Variants in PACS1 observed in about 807,000 individuals in gnomAD.
The protein encoded by PACS1 is PACS-1.
A neutral mutation model predicts 115.0 loss-of-function variants in PACS1; 24 were observed. The ratio of observed to expected loss-of-function variants is 0.21; its 90% confidence interval spans 0.15 to 0.29. PACS1 has a LOEUF of 0.29. Among genes scored for constraint, PACS1 ranks in the 10% least tolerant of loss-of-function variants. The pLI is 1.00. For missense variants in PACS1, 838 were observed against 1,251.2 expected, an observed-to-expected ratio of 0.67 and a Z score of 4.98; for synonymous variants, 453 against 504.5, an observed-to-expected ratio of 0.90 and a Z score of 1.37.
chr11:66,114,270 T>C (rs1858255248), intron 1 of PACS1, among the ~76,000 whole-genome samples: 1 of 151,960 alleles, frequency 6.6e-6, no homozygotes, highest in East Asian at 1.9e-4. Context: ...TACAAAAAAT[T>C]AGCCGGGAGT....
rs192219411 is a variant in PACS1, at chr11:66,171,275, C to T, written c.357-22211C>T. The stretch of plus-strand genomic sequence containing the variant: ...TTTTGTCTAATATTATCTATTCCAG[C>T]TTTCTTTTGATTATTATATATCTGG... On this transcript the variant is annotated intron_variant, in intron 1 of 23. Transcript: ENST00000320580. Among the ~76,000 whole-genome samples, 59 of 150,266 alleles carry T rather than the reference C, an allele frequency of 3.9e-4. 8 individuals carry two copies. The highest frequency in any genetic ancestry group is 1.4e-3 in the African/African-American group (56 of 39,800).
Position 66,073,118 on chromosome 11 carries a change from A to C in PACS1, c.356+2276A>C, listed in dbSNP as rs1444647866. Among the ~76,000 whole-genome samples, 3 of 152,184 alleles carry C rather than the reference A, an allele frequency of 2.0e-5. No individual in the cohort carries two copies. The East Asian group carries it at 5.8e-4, about 29-fold the overall frequency. ...AGCTTGTCCACTGTCCTGCTCCGACATTGTTTTTCATCCATCACCCTTGTA... is the reference window on the plus strand; with the variant it reads ...AGCTTGTCCACTGTCCTGCTCCGACCTTGTTTTTCATCCATCACCCTTGTA... On this transcript the variant is annotated intron_variant, in intron 1 of 23. Transcript: ENST00000320580.
At chr11:66,149,678 T>C (rs1859193882) in intron 1 of PACS1, among the ~76,000 whole-genome samples, 2 of 115,588 alleles carry the variant, frequency 1.7e-5, no homozygotes, top group African/African-American at 6.7e-5. Context: ...CATCTTGTGT[T>C]CGTGTGTGTG....
At chr11:66,219,675 T>C in intron 7 of PACS1, 71 bp from the exon 8 acceptor site, 2 of 1,103,424 alleles carry the variant, frequency 1.8e-6, no homozygotes, top group Non-Finnish European at 2.8e-6. Context: ...TGGGCTCTGG[T>C]GGGTGTTTAT....
At chr11:66,145,817 A>G (rs182143150) in intron 1 of PACS1, among the ~76,000 whole-genome samples, 23 of 152,324 alleles carry the variant, frequency 1.5e-4, no homozygotes, top group Non-Finnish European at 2.1e-4. Context: ...CCTGTAACCA[A>G]TCATTGCCTG....
chr11:66,123,004 A>G (rs1858478526), intron 1 of PACS1, among the ~76,000 whole-genome samples: 1 of 152,206 alleles, frequency 6.6e-6, no homozygotes, highest in Non-Finnish European at 1.5e-5. Flanking sequence ...TGCATACTTT[A>G]GAGAAATCTT....
chr11:66,171,598 G>T (rs1487531347), intron 1 of PACS1, among the ~76,000 whole-genome samples: 3 of 148,396 alleles, frequency 2.0e-5, no homozygotes, highest in African/African-American at 2.6e-5. Context: ...TTCTTTTTTT[G>T]AAACGGAGTC....
intron 1 of PACS1, among the ~76,000 whole-genome samples, chr11:66,074,344 G>T (rs1268558733): frequency 6.6e-6 from 1 of 152,080 alleles, no homozygotes; most frequent in South Asian, 2.1e-4. Flanking sequence ...GTCCAGTATG[G>T]CATGGACCGT....
At chr11:66,146,329 A>G (rs1279197307) in intron 1 of PACS1, among the ~76,000 whole-genome samples, 1 of 152,240 alleles carries the variant, frequency 6.6e-6, no homozygotes, top group African/African-American at 2.4e-5. Context: ...ATGTATGATG[A>G]CAGTGACTCA....
chr11:66,103,775 A>G (rs1857973506), intron 1 of PACS1, among the ~76,000 whole-genome samples: 1 of 152,056 alleles, frequency 6.6e-6, no homozygotes, highest in Non-Finnish European at 1.5e-5. Context: ...CAGCCTCCCA[A>G]AGTGCTGGGA....
intron 1 of PACS1, among the ~76,000 whole-genome samples, chr11:66,176,504 C>T (rs915332217): frequency 1.3e-5 from 2 of 150,998 alleles, no homozygotes; most frequent in Non-Finnish European, 2.9e-5. Flanking sequence ...ACGTCTGCCT[C>T]CTGAGTTCAA....
At chr11:66,241,782 G>A in intron 22 of PACS1, 129 bp downstream of exon 22, 1 of 698,644 alleles carries the variant, frequency 1.4e-6, no homozygotes. Flanking sequence ...GGCATGGGGT[G>A]CAGAGGGGGC....
chr11:66,202,726 GAAAAA>G (rs55677222), intron 2 of PACS1, among the ~76,000 whole-genome samples: 4 of 10,960 alleles, frequency 3.6e-4, no homozygotes, highest in Admixed American at 1.9e-3. Context: ...TCATCTCTAG[GAAAAA>G]AAAAAAAAAA....
intron 1 of PACS1, among the ~76,000 whole-genome samples, chr11:66,192,519 G>C (rs1459930749): frequency 1.3e-5 from 2 of 152,254 alleles, no homozygotes. Context: ...GGAGCTGAGG[G>C]AGGGCTGTGG....
chr11:66,239,954 A>T (rs1389944736), intron 21 of PACS1, among the ~76,000 whole-genome samples: 1 of 152,242 alleles, frequency 6.6e-6, no homozygotes, highest in Non-Finnish European at 1.5e-5. Flanking sequence ...CCAGGAGTTC[A>T]AAGCTAGGCC....
At chr11:66,210,505 A>G (rs1013654857) in intron 3 of PACS1, 54 bp downstream of exon 3, 20 of 1,251,946 alleles carry the variant, frequency 1.6e-5, no homozygotes, top group Non-Finnish European at 2.1e-5. Flanking sequence ...GCTAGTCCCC[A>G]GACAGTCCTC....
intron 1 of PACS1, among the ~76,000 whole-genome samples, chr11:66,156,918 GATGATT>G (rs1482806095): frequency 6.6e-6 from 1 of 151,950 alleles, no homozygotes; most frequent in Admixed American, 6.6e-5. Context: ...CTCTCTAGGT[GATGATT>G]ATACTTTAGG....
intron 1 of PACS1, among the ~76,000 whole-genome samples, chr11:66,103,003 G>T (rs1356093728): frequency 6.6e-6 from 1 of 151,406 alleles, no homozygotes; most frequent in Non-Finnish European, 1.5e-5. Context: ...GCTAATTTTT[G>T]TATTTTTAGT....
At chr11:66,202,429 A>G (rs964617389) in intron 2 of PACS1, among the ~76,000 whole-genome samples, 13 of 152,242 alleles carry the variant, frequency 8.5e-5, no homozygotes, top group Non-Finnish European at 1.6e-4. Flanking sequence ...TGATACAAAA[A>G]TCATCAAGAA....
Sources: allele counts gnomAD v4.1 joint callset (sites outside exome capture counted in the v4.1 genomes callset), GRCh38; gene constraint gnomAD v4.1.1; transcripts MANE v1.5; gene names NCBI Gene and HGNC (gene_info 2026-07-23, HGNC 2026-07-21).